The following PHACTR1 variants were observed in gnomAD, a reference collection of about 807,000 sequenced individuals.
The protein encoded by PHACTR1 is RPEL repeat containing 1.
PHACTR1 carries 16 observed loss-of-function variants against 69.2 expected under a neutral mutation model. The observed-to-expected ratio is 0.23, with a 90% CI of 0.16 to 0.35. The LOEUF (loss-of-function observed/expected upper bound fraction) is 0.35. Among genes scored for constraint, PHACTR1 ranks in the 10% least tolerant of loss-of-function variants. The probability of loss-of-function intolerance (pLI) is 1.00; values close to 1 mark genes in which losing one functional copy is unlikely to be tolerated. For missense variants in PHACTR1, 510 were observed against 734.7 expected (o/e 0.69, Z 3.54); for synonymous variants, 312 against 284.5 (o/e 1.10, Z -0.97).
intron 4 of PHACTR1, among the ~76,000 whole-genome samples, chr6:12,787,182 T>TG (rs1462812403): frequency 2.6e-5 from 4 of 152,228 alleles, no homozygotes; most frequent in African/African-American, 9.6e-5. Context: ...TGTGTGAGGC[T>TG]GGATCAGGGT....
At chr6:12,781,615 C>T (rs1309254764) in intron 4 of PHACTR1, among the ~76,000 whole-genome samples, 1 of 152,166 alleles carries the variant, frequency 6.6e-6, no homozygotes, top group Non-Finnish European at 1.5e-5. Flanking sequence ...TAATGAAAAG[C>T]CTAGCCACAG....
At chr6:13,160,140 A>T (rs1464318357) in intron 5 of PHACTR1, 64 bp from the exon 6 acceptor site, 3 of 1,398,768 alleles carry the variant, frequency 2.1e-6, no homozygotes, top group Non-Finnish European at 3.0e-6. Context: ...TTAACATAGG[A>T]TCCTTTAGAA....
At chr6:13,255,515 C>A (rs1775059816) in intron 10 of PHACTR1, among the ~76,000 whole-genome samples, 1 of 152,210 alleles carries the variant, frequency 6.6e-6, no homozygotes, top group Non-Finnish European at 1.5e-5. Context: ...TTATCTGAGA[C>A]AAGGCTAGTC....
chr6:12,868,537 C>T (rs1051348314), intron 4 of PHACTR1, among the ~76,000 whole-genome samples: 7 of 151,934 alleles, frequency 4.6e-5, no homozygotes, highest in South Asian at 2.1e-4. Flanking sequence ...ACTCTTTCAT[C>T]GATTTCACCA....
At chr6:12,806,933 A>G (rs1774413832) in intron 4 of PHACTR1, among the ~76,000 whole-genome samples, 1 of 152,244 alleles carries the variant, frequency 6.6e-6, no homozygotes, top group Non-Finnish European at 1.5e-5. Context: ...TTTTTAATCT[A>G]GCAATCAGAT....
chr6:12,830,097 GAAA>G (rs1777310656), intron 4 of PHACTR1, among the ~76,000 whole-genome samples: 1 of 9,334 alleles, frequency 1.1e-4, no homozygotes, highest in Admixed American at 1.3e-3. Flanking sequence ...AGGAGGGAAA[GAAA>G]GAAAGAAAGA....
intron 4 of PHACTR1, among the ~76,000 whole-genome samples, chr6:12,874,248 C>T (rs928775704): frequency 3.9e-5 from 6 of 152,136 alleles, no homozygotes; most frequent in Admixed American, 2.0e-4. Flanking sequence ...GACACACTTT[C>T]AGTAGCAAGG....
At chr6:12,848,515 A>C (rs889534580) in intron 4 of PHACTR1, among the ~76,000 whole-genome samples, 34 of 152,360 alleles carry the variant, frequency 2.2e-4, no homozygotes, top group African/African-American at 8.2e-4. Flanking sequence ...TGGAAATGTA[A>C]TAGCATTTCA....
chr6:13,042,064 AG>A (rs1804269366), intron 4 of PHACTR1, among the ~76,000 whole-genome samples: 1 of 152,262 alleles, frequency 6.6e-6, no homozygotes, highest in African/African-American at 2.4e-5. Context: ...TGGAAAATAA[AG>A]GGTTCAACAG....
intron 4 of PHACTR1, among the ~76,000 whole-genome samples, chr6:12,766,000 T>A (rs1190710670): frequency 6.6e-6 from 1 of 152,230 alleles, no homozygotes; most frequent in Non-Finnish European, 1.5e-5. Flanking sequence ...ATGAAGCAGG[T>A]ACAGCCTGAC....
At chr6:12,889,904 G>A (rs1360485066) in intron 4 of PHACTR1, among the ~76,000 whole-genome samples, 1 of 150,796 alleles carries the variant, frequency 6.6e-6, no homozygotes, top group Non-Finnish European at 1.5e-5. Context: ...CCACATCCTG[G>A]CAGTTTACCT....
chr6:13,087,700 C>A (rs1473351777), intron 5 of PHACTR1, among the ~76,000 whole-genome samples: 3 of 151,346 alleles, frequency 2.0e-5, no homozygotes, highest in Non-Finnish European at 4.4e-5. Context: ...AGGTGGTGTG[C>A]AGTGGTGTGA....
In PHACTR1 at chr6:12,974,474, T is replaced by G. The variant is rs184717399; in HGVS notation, c.251-78891T>G. 2.6e-4 allele frequency among the ~76,000 whole-genome samples: 40 copies of G among 152,308 alleles called. No homozygotes were observed. In the East Asian group the frequency reaches 6.4e-3, roughly 24 times the overall value. On this transcript the variant is annotated intron_variant, in intron 4 of 14. Coordinates refer to ENST00000332995, the MANE Select transcript of PHACTR1 (RefSeq NM_030948.6). ...CAAATGTCCCGGCCCGTTAACCAGATTTGTCTCACTCACAGAGTAAAAAAC... is the reference window on the plus strand; with the variant it reads ...CAAATGTCCCGGCCCGTTAACCAGAGTTGTCTCACTCACAGAGTAAAAAAC...
chr6:13,178,822 C>T (rs188696843), intron 6 of PHACTR1, among the ~76,000 whole-genome samples: 1 of 152,306 alleles, frequency 6.6e-6, no homozygotes, highest in Admixed American at 6.5e-5. Context: ...ATGGTGATGA[C>T]CTAGCTAGAT....
intron 4 of PHACTR1, among the ~76,000 whole-genome samples, chr6:12,985,542 A>ATG (rs1562094998): frequency 1.9e-5 from 2 of 104,366 alleles, no homozygotes; most frequent in Non-Finnish European, 4.0e-5. Context: ...AAAAAAAAAA[A>ATG]TATATATATA....
chr6:13,198,674 G>A (rs1583878307), intron 7 of PHACTR1, among the ~76,000 whole-genome samples: 1 of 151,640 alleles, frequency 6.6e-6, no homozygotes, highest in Non-Finnish European at 1.5e-5. Context: ...ATCCCGTCAT[G>A]TTTTAAGAAA....
chr6:13,199,913 C>T (rs183485726), intron 7 of PHACTR1, among the ~76,000 whole-genome samples: 455 of 152,284 alleles, frequency 3.0e-3, no homozygotes, highest in Non-Finnish European at 5.2e-3. Context: ...CCTTTAATTG[C>T]ACATTCTAAT....
intron 4 of PHACTR1, among the ~76,000 whole-genome samples, chr6:13,050,893 A>C: frequency 6.6e-6 from 1 of 152,132 alleles, no homozygotes; most frequent in East Asian, 1.9e-4. Context: ...AGAGTTACCA[A>C]ATCTGCTGAT....
chr6:13,251,250 C>T (rs971624000), intron 10 of PHACTR1, among the ~76,000 whole-genome samples: 2 of 152,150 alleles, frequency 1.3e-5, no homozygotes, highest in African/African-American at 4.8e-5. Flanking sequence ...GGGCGCTCTC[C>T]TAGAAGGGGG....
Sources: allele counts gnomAD v4.1 joint callset (sites outside exome capture counted in the v4.1 genomes callset), GRCh38; gene constraint gnomAD v4.1.1; transcripts MANE v1.5; gene names NCBI Gene and HGNC (gene_info 2026-07-23, HGNC 2026-07-21).